The following ARHGAP39 variants were observed in gnomAD, a reference collection of about 807,000 sequenced individuals.
ARHGAP39 encodes rho GTPase-activating protein 39.
A neutral mutation model predicts 106.9 loss-of-function variants in ARHGAP39; 44 were observed. That is an observed-to-expected ratio of 0.41 (90% CI 0.32 to 0.53). The LOEUF is 0.53. Ranked by LOEUF, ARHGAP39 falls within the 20% of genes least tolerant of loss-of-function variation. The pLI, the probability that ARHGAP39 is intolerant of heterozygous loss-of-function variation, is 0.21. For missense variants in ARHGAP39, 1,496 were observed against 1,577.3 expected (o/e 0.95, Z 0.87); for synonymous variants, 768 against 693.2 (o/e 1.11, Z -1.69).
At chr8:144,636,473 C>T (rs915064634) in intron 1 of ARHGAP39, among the ~76,000 whole-genome samples, 15 of 152,180 alleles carry the variant, frequency 9.9e-5, no homozygotes, top group African/African-American at 3.6e-4. Context: ...TCTGCAGGAA[C>T]CCTACACACC....
chr8:144,567,383 G>A (rs1014604969), intron 3 of ARHGAP39, among the ~76,000 whole-genome samples: 3 of 152,208 alleles, frequency 2.0e-5, no homozygotes, highest in Admixed American at 6.5e-5. Flanking sequence ...TTGGTCTAGC[G>A]GTAACGCCAG....
At chr8:144,605,472 G>A (rs1236689231) in intron 2 of ARHGAP39, 63 bp downstream of exon 2, 4 of 1,506,274 alleles carry the variant, frequency 2.7e-6, no homozygotes, top group Middle Eastern at 1.7e-4. Flanking sequence ...TTCTCTGCAG[G>A]AAGAAAGCAG....
intron 3 of ARHGAP39, among the ~76,000 whole-genome samples, chr8:144,570,528 A>T (rs758417120): frequency 3.9e-5 from 6 of 152,224 alleles, no homozygotes; most frequent in Non-Finnish European, 8.8e-5. Context: ...AGACGCAACG[A>T]CAATAGGAAA....
In ARHGAP39 at chr8:144,547,121, C is replaced by T; in HGVS notation, c.1959+6G>A. ...TCAAGCTCAGCCGCGCCCATTGGGCCCTCACCTGTGAGGGGTGGAGGTAGG... is the reference window on the plus strand; with the variant it reads ...TCAAGCTCAGCCGCGCCCATTGGGCTCTCACCTGTGAGGGGTGGAGGTAGG... On this transcript the variant is annotated splice_donor_region_variant and intron_variant, in intron 5 of 11. Transcript: ENST00000377307. This position sits in a 1 kb window ranked among gnomAD's most constrained non-coding sequence, Gnocchi z 5.2. 1 of 1,581,004 alleles carries T rather than the reference C, an allele frequency of 6.3e-7. No homozygotes were observed. The highest frequency in any genetic ancestry group is 8.6e-7 in the Non-Finnish European group (1 of 1,163,294).
chr8:144,691,787 G>A, the ARHGAP39 span, among the ~76,000 whole-genome samples: 1 of 151,988 alleles, frequency 6.6e-6, no homozygotes, highest in East Asian at 1.9e-4. Flanking sequence ...GACAAAGCAA[G>A]CTATTCTGCA....
intron 9 of ARHGAP39, 118 bp from the exon 10 acceptor site, chr8:144,532,514 G>A (rs978584875): frequency 5.8e-6 from 5 of 866,118 alleles, no homozygotes; most frequent in Non-Finnish European, 8.9e-6. Context: ...AAAACCTCAG[G>A]ACCCCCCGCC....
At chr8:144,597,441 A>G (rs1819662875) in intron 2 of ARHGAP39, among the ~76,000 whole-genome samples, 1 of 152,198 alleles carries the variant, frequency 6.6e-6, no homozygotes, top group South Asian at 2.1e-4. Flanking sequence ...GGGGAGGAAC[A>G]CAGGACACAG....
rs112755839 is a variant in ARHGAP39 at position 144,544,096 on chromosome 8, C to T, written c.2521+1153G>A. 1,416 of 152,612 alleles carry T rather than the reference C, an allele frequency of 9.3e-3. 24 individuals are homozygous for T. The highest frequency in any genetic ancestry group is 0.032 in the African/African-American group (1,348 of 41,580). 9.5% of individuals were successfully genotyped at this position (152,612 alleles called of 1,614,324 possible). A position where few individuals can be genotyped will look rare whatever the true frequency, so the allele number is the denominator to read the frequency against. On this transcript the variant is annotated intron_variant, in intron 6 of 11. Coordinates refer to ENST00000377307, the MANE Select transcript of ARHGAP39 (RefSeq NM_025251.3). ...CAGGCCAGCCCAGTCTGCCTGGCAC[C>T]CTGCTCTGGTCCTCCTCTGCACACC...
At chr8:144,609,094 A>G (rs555737976) in intron 1 of ARHGAP39, among the ~76,000 whole-genome samples, 3 of 152,338 alleles carry the variant, frequency 2.0e-5, no homozygotes, top group African/African-American at 7.2e-5. Flanking sequence ...ACTGAACACA[A>G]TTAGTAAGAG....
intron 1 of ARHGAP39, among the ~76,000 whole-genome samples, chr8:144,649,855 T>C (rs1268755484): frequency 1.3e-5 from 2 of 152,032 alleles, no homozygotes; most frequent in East Asian, 3.9e-4. Flanking sequence ...CTAGAAAGCC[T>C]AGAAGAGACG....
chr8:144,579,851 C>G (rs1353850300), intron 3 of ARHGAP39, among the ~76,000 whole-genome samples: 1 of 152,144 alleles, frequency 6.6e-6, no homozygotes, highest in Non-Finnish European at 1.5e-5. Flanking sequence ...AATCCCCTGC[C>G]TTTCTCTCCC....
At position 144,661,633 on chromosome 8, in the gene ARHGAP39, G is replaced by A. The variant is rs542840209; in HGVS notation, c.-82+24053C>T. Among the ~76,000 whole-genome samples the A allele has an allele frequency of 7.6e-4, 116 of 152,136 alleles. 1 individual carries two copies. The South Asian group carries it at 0.012, about 16-fold the overall frequency. On this transcript the variant is annotated intron_variant, in intron 1 of 11. Transcript: ENST00000377307. The stretch of plus-strand genomic sequence containing the variant: ...ACTCCTGCCCTCAACTGATCTGCCC[G>A]CCTCAGCCTCCCACAATACTGAGAC...
intron 1 of ARHGAP39, among the ~76,000 whole-genome samples, chr8:144,607,847 C>T (rs777856467): frequency 8.5e-5 from 13 of 152,246 alleles, no homozygotes; most frequent in African/African-American, 2.9e-4. Context: ...GGGACTGCTA[C>T]GAATGCTATT....
intron 2 of ARHGAP39, among the ~76,000 whole-genome samples, chr8:144,605,316 C>T (rs1223188802): frequency 2.0e-5 from 3 of 152,264 alleles, no homozygotes; most frequent in South Asian, 2.1e-4. Context: ...AAGAGAAAAA[C>T]GACGAATCAT....
rs556478965 is a variant in ARHGAP39, at chr8:144,684,145, C to T, written c.-82+1541G>A. ...TCCTGTCCACTCTGCTCCCCTGCCT[C>T]TCAGGAAGACAGCTGGCTACACCAA... On this transcript the variant is annotated intron_variant, in intron 1 of 11. Transcript: ENST00000377307. The surrounding 1 kb of genome is among the most constrained non-coding windows in gnomAD (Gnocchi z 4.4). Among the ~76,000 whole-genome samples the T allele has an allele frequency of 3.2e-4, 48 of 152,324 alleles. No homozygotes were observed. The highest frequency in any genetic ancestry group is 1.1e-3 in the African/African-American group (47 of 41,568).
rs1821322984 is a variant in ARHGAP39, at chr8:144,641,973, G to A, written c.-81-36278C>T. Among the ~76,000 whole-genome samples, 1 of 152,192 alleles carries A rather than the reference G, an allele frequency of 6.6e-6. No individual in the cohort carries two copies. The highest frequency in any genetic ancestry group is 2.4e-5 in the African/African-American group (1 of 41,456). ...GACAAAACTCTCAGAACCACACCCA[G>A]GCTACATAGATCTGTGAGCAACAGA... On this transcript the variant is annotated intron_variant, in intron 1 of 11. Coordinates refer to ENST00000377307, the MANE Select transcript of ARHGAP39 (RefSeq NM_025251.3). The surrounding 1 kb of genome is among the most constrained non-coding windows in gnomAD (Gnocchi z 5.2).
intron 2 of ARHGAP39, among the ~76,000 whole-genome samples, chr8:144,601,251 C>CAT (rs1819914882): frequency 1.9e-5 from 2 of 104,048 alleles, no homozygotes; most frequent in African/African-American, 3.7e-5. Context: ...TGCATGGAGG[C>CAT]GTGTGTGCTC....
At chr8:144,672,935 G>A (rs1324997423) in intron 1 of ARHGAP39, among the ~76,000 whole-genome samples, 1 of 152,132 alleles carries the variant, frequency 6.6e-6, no homozygotes, top group Non-Finnish European at 1.5e-5. Flanking sequence ...GCTGATCAGG[G>A]GCCAGGCACA....
At chr8:144,627,385 T>C (rs890493313) in intron 1 of ARHGAP39, among the ~76,000 whole-genome samples, 1 of 151,910 alleles carries the variant, frequency 6.6e-6, no homozygotes, top group Non-Finnish European at 1.5e-5. Context: ...ACCCCGTCTC[T>C]ACTAAAAATA....
Sources: allele counts gnomAD v4.1 joint callset (sites outside exome capture counted in the v4.1 genomes callset), GRCh38; gene constraint gnomAD v4.1.1; non-coding constraint Gnocchi (gnomAD v3.1); transcripts MANE v1.5; gene names NCBI Gene and HGNC (gene_info 2026-07-23, HGNC 2026-07-21).